Variants in CSGALNACT1 observed in about 807,000 individuals in gnomAD.
CSGALNACT1 encodes beta4GalNAcT-1.
CSGALNACT1 carries 52 observed loss-of-function variants against 51.0 expected under a neutral mutation model. The observed-to-expected ratio is 1.02, with a 90% CI of 0.82 to 1.29. The LOEUF (loss-of-function observed/expected upper bound fraction) is 1.29. Among genes scored for constraint, CSGALNACT1 ranks in the 50% most tolerant of loss-of-function variants. CSGALNACT1 has a pLI of 0.00. For missense variants in CSGALNACT1, 935 were observed against 679.2 expected, an observed-to-expected ratio of 1.38 and a Z score of -4.19; for synonymous variants, 341 against 254.4, an observed-to-expected ratio of 1.34 and a Z score of -3.24.
chr8:19,476,513 G>GT (rs1395710877), intron 4 of CSGALNACT1, among the ~76,000 whole-genome samples: 8 of 152,000 alleles, frequency 5.3e-5, no homozygotes, highest in Non-Finnish European at 1.2e-4. Context: ...AAGTGCTGGG[G>GT]TTACATGTGT....
intron 3 of CSGALNACT1, among the ~76,000 whole-genome samples, chr8:19,568,020 T>C (rs2958566): frequency 2.0e-5 from 3 of 150,374 alleles, no homozygotes; most frequent in African/African-American, 7.6e-5. Flanking sequence ...TGTTTTAGTC[T>C]CAACAAATGA....
chr8:19,598,078 T>C (rs1186252391), intron 2 of CSGALNACT1, among the ~76,000 whole-genome samples: 1 of 152,056 alleles, frequency 6.6e-6, no homozygotes, highest in Non-Finnish European at 1.5e-5. Context: ...GCACTGCAGA[T>C]ATGGGACAGC....
chr8:19,408,807 A>G (rs2054921267), intron 8 of CSGALNACT1, 113 bp from the exon 8 acceptor site: 1 of 878,614 alleles, frequency 1.1e-6, no homozygotes, highest in African/African-American at 1.7e-5. Flanking sequence ...TCACTGATAA[A>G]CAGCCTCCAC....
chr8:19,455,986 T>C (rs1415900323), intron 5 of CSGALNACT1, among the ~76,000 whole-genome samples: 3 of 152,188 alleles, frequency 2.0e-5, no homozygotes, highest in East Asian at 1.9e-4. Flanking sequence ...GCAAGGGACA[T>C]CCAAATAGTA....
At chr8:19,479,968 T>C (rs1490236548) in intron 4 of CSGALNACT1, among the ~76,000 whole-genome samples, 1 of 152,226 alleles carries the variant, frequency 6.6e-6, no homozygotes, top group South Asian at 2.1e-4. Context: ...TACCTCTTTG[T>C]AGAGTACAGA....
At chr8:19,705,008 C>T (rs1456682952) in intron 1 of CSGALNACT1, among the ~76,000 whole-genome samples, 1 of 152,120 alleles carries the variant, frequency 6.6e-6, no homozygotes, top group East Asian at 1.9e-4. Flanking sequence ...TTCTGGTAAC[C>T]TACATCATAG....
chr8:19,668,629 A>G (rs771901390), intron 1 of CSGALNACT1, among the ~76,000 whole-genome samples: 1 of 152,172 alleles, frequency 6.6e-6, no homozygotes, highest in Non-Finnish European at 1.5e-5. Flanking sequence ...ATCTTGGCTC[A>G]CTACAACCTC....
upstream of CSGALNACT1, among the ~76,000 whole-genome samples, chr8:19,605,308 C>A (rs1298861850): frequency 6.6e-6 from 1 of 151,990 alleles, no homozygotes; most frequent in Non-Finnish European, 1.5e-5. Flanking sequence ...TGGTGGCAGG[C>A]ACCTGTAATC....
intron 1 of CSGALNACT1, among the ~76,000 whole-genome samples, chr8:19,701,963 C>T (rs2061904793): frequency 1.3e-5 from 2 of 152,192 alleles, no homozygotes; most frequent in Admixed American, 1.3e-4. Context: ...TTATTATATG[C>T]CATCCCCAAA....
intron 4 of CSGALNACT1, among the ~76,000 whole-genome samples, chr8:19,484,731 T>C (rs1008467081): frequency 5.3e-5 from 8 of 152,186 alleles, no homozygotes; most frequent in African/African-American, 1.7e-4. Context: ...CAGAATGTTA[T>C]TGTGTTTGGA....
exon 1 of CSGALNACT1, chr8:19,602,430 C>G (rs550479814): frequency 6.6e-6 from 1 of 152,482 alleles, no homozygotes; most frequent in Non-Finnish European, 1.5e-5. Context: ...CAGGGAGGAA[C>G]GACCGCCTTC....
At chr8:19,562,105 A>G (rs767280759) in intron 3 of CSGALNACT1, among the ~76,000 whole-genome samples, 19 of 152,046 alleles carry the variant, frequency 1.2e-4, no homozygotes, top group Non-Finnish European at 2.4e-4. Flanking sequence ...CTGTGGTCCC[A>G]CTCTGAGCAC....
chr8:19,741,895 C>T (rs1464816639), intron 1 of CSGALNACT1, among the ~76,000 whole-genome samples: 1 of 152,174 alleles, frequency 6.6e-6, no homozygotes, highest in Admixed American at 6.5e-5. Context: ...TAATCTTAAT[C>T]CTATCAACAG....
intron 4 of CSGALNACT1, among the ~76,000 whole-genome samples, chr8:19,503,220 C>G (rs935260106): frequency 6.6e-6 from 1 of 152,120 alleles, no homozygotes; most frequent in Non-Finnish European, 1.5e-5. Context: ...AGACTTTCAC[C>G]AAATATGGAA....
chr8:19,567,517 T>C (rs558531639), intron 3 of CSGALNACT1, among the ~76,000 whole-genome samples: 15 of 152,308 alleles, frequency 9.8e-5, no homozygotes, highest in East Asian at 7.7e-4. Context: ...AACTCTACCA[T>C]AGACATTACA....
chr8:19,666,991 GAAA>G (rs1564385522), intron 1 of CSGALNACT1, among the ~76,000 whole-genome samples: 3,318 of 27,814 alleles, frequency 0.12, 255 homozygotes, highest in Middle Eastern at 0.17. Flanking sequence ...AAGAAAGAAA[GAAA>G]GAAAGAAAGA....
chr8:19,602,737 T>G (rs2050719271), upstream of CSGALNACT1: 1 of 152,140 alleles, frequency 6.6e-6, no homozygotes, highest in African/African-American at 2.4e-5. Context: ...GAAACCGATG[T>G]GTCAACTAGA....
intron 4 of CSGALNACT1, among the ~76,000 whole-genome samples, chr8:19,493,778 T>C (rs1048716686): frequency 6.6e-6 from 1 of 152,176 alleles, no homozygotes; most frequent in African/African-American, 2.4e-5. Context: ...TTTTTGGCTA[T>C]TATGAACAAA....
intron 6 of CSGALNACT1, among the ~76,000 whole-genome samples, chr8:19,428,141 C>G (rs1169916343): frequency 6.6e-6 from 1 of 152,200 alleles, no homozygotes; most frequent in Non-Finnish European, 1.5e-5. Context: ...TAATTCCCAG[C>G]TCCTGTCTTG....
Sources: allele counts gnomAD v4.1 joint callset (sites outside exome capture counted in the v4.1 genomes callset), GRCh38; gene constraint gnomAD v4.1.1; transcripts MANE v1.5; gene names NCBI Gene and HGNC (gene_info 2026-07-23, HGNC 2026-07-21).